PPP2R2A: variants seen among roughly 807,000 people sequenced by gnomAD.
PPP2R2A encodes serine/threonine-protein phosphatase 2A 55 kDa regulatory subunit B alpha isoform.
Under a neutral mutation model 53.2 loss-of-function variants are expected in PPP2R2A, and 9 were observed. The observed-to-expected ratio is 0.17, with a 90% CI of 0.10 to 0.30. PPP2R2A has a LOEUF of 0.30. Ranked by LOEUF, PPP2R2A falls within the 10% of genes least tolerant of loss-of-function variation. PPP2R2A has a pLI of 1.00. For synonymous variants in PPP2R2A, 169 were observed against 174.2 expected (o/e 0.97, Z 0.23); for missense variants, 235 against 534.6 (o/e 0.44, Z 5.53).
At chr8:26,337,647 A>T (rs1490144742) in intron 2 of PPP2R2A, among the ~76,000 whole-genome samples, 1 of 152,176 alleles carries the variant, frequency 6.6e-6, no homozygotes, top group Non-Finnish European at 1.5e-5. Context: ...TTACTTAGGT[A>T]AGCAGTTACT....
At chr8:26,329,812 T>G (rs910631000) in intron 2 of PPP2R2A, among the ~76,000 whole-genome samples, 1 of 152,226 alleles carries the variant, frequency 6.6e-6, no homozygotes, top group East Asian at 1.9e-4. Context: ...AAGGGAATGT[T>G]ATACTTTGAA....
chr8:26,304,188 ACCGGT>A (rs1227729427), intron 2 of PPP2R2A, among the ~76,000 whole-genome samples: 2 of 127,784 alleles, frequency 1.6e-5, no homozygotes, highest in African/African-American at 5.7e-5. Context: ...ATTTTTTCTT[ACCGGT>A]CCTCTTATTA....
rs143219497 is a variant in PPP2R2A, at chr8:26,310,565, T to C, written c.82+16825T>C. Among the ~76,000 whole-genome samples, 323 of 152,178 alleles carry C rather than the reference T, an allele frequency of 2.1e-3. 1 individual carries two copies. The highest frequency in any genetic ancestry group is 7.6e-3 in the African/African-American group (314 of 41,538). ...CATTTAGATTGTTTATAATGTTTGC[T>C]ATTGTAAAGATCATGATGAACATCC... On this transcript the variant is annotated intron_variant, in intron 2 of 9. Transcript: ENST00000380737.
At chr8:26,323,828 A>T (rs929062918) in intron 2 of PPP2R2A, among the ~76,000 whole-genome samples, 4 of 152,162 alleles carry the variant, frequency 2.6e-5, no homozygotes, top group African/African-American at 9.7e-5. Flanking sequence ...TGATCTGCTC[A>T]GTCTTCAGCC....
At chr8:26,314,389 T>G (rs1157717995) in intron 2 of PPP2R2A, among the ~76,000 whole-genome samples, 9 of 152,226 alleles carry the variant, frequency 5.9e-5, no homozygotes, top group Non-Finnish European at 8.8e-5. Context: ...ATCATTATCA[T>G]TGTGATCATC....
intron 9 of PPP2R2A, among the ~76,000 whole-genome samples, chr8:26,369,377 C>T (rs559804947): frequency 2.6e-5 from 4 of 151,486 alleles, no homozygotes; most frequent in Middle Eastern, 6.8e-3. Flanking sequence ...CAGGCACGTG[C>T]CACTACACCC....
At chr8:26,363,284 C>T (rs1805211704) in intron 7 of PPP2R2A, 1 of 156,742 alleles carries the variant, frequency 6.4e-6, no homozygotes, top group African/African-American at 2.4e-5. Flanking sequence ...TGAATATTAA[C>T]TCATGAAAAT....
chr8:26,367,416 TTTATG>T (rs1464929592), intron 9 of PPP2R2A, among the ~76,000 whole-genome samples: 4 of 152,208 alleles, frequency 2.6e-5, no homozygotes, highest in African/African-American at 9.7e-5. Context: ...AATTAGCAGT[TTTATG>T]TTCTATTATC....
At chr8:26,303,528 A>C (rs1801881844) in intron 2 of PPP2R2A, among the ~76,000 whole-genome samples, 1 of 152,218 alleles carries the variant, frequency 6.6e-6, no homozygotes, top group South Asian at 2.1e-4. Flanking sequence ...AACTTTCCCA[A>C]CTTAACTACT....
chr8:26,365,441 T>C (rs1470020694), intron 8 of PPP2R2A: 2 of 152,190 alleles, frequency 1.3e-5, no homozygotes, highest in African/African-American at 4.8e-5. Flanking sequence ...AAATAGACAC[T>C]GAAAATAAGT....
chr8:26,347,077 A>G (rs967394248), intron 3 of PPP2R2A, among the ~76,000 whole-genome samples: 1 of 152,228 alleles, frequency 6.6e-6, no homozygotes, highest in Non-Finnish European at 1.5e-5. Context: ...TCCTGAGAGA[A>G]TAAATTGTAT....
chr8:26,317,530 C>A (rs1347638738), intron 2 of PPP2R2A, among the ~76,000 whole-genome samples: 1 of 152,138 alleles, frequency 6.6e-6, no homozygotes, highest in Non-Finnish European at 1.5e-5. Flanking sequence ...ATAAATTCTG[C>A]AATATGTCAT....
At chr8:26,330,782 A>G (rs1357634047) in intron 2 of PPP2R2A, among the ~76,000 whole-genome samples, 1 of 152,010 alleles carries the variant, frequency 6.6e-6, no homozygotes, top group Non-Finnish European at 1.5e-5. Context: ...ATTCCTGGTA[A>G]TTTCGGATTG....
chr8:26,340,349 T>G (rs536708253), intron 3 of PPP2R2A, among the ~76,000 whole-genome samples: 62 of 152,234 alleles, frequency 4.1e-4, no homozygotes, highest in African/African-American at 1.5e-3. Flanking sequence ...TATTCTTTGC[T>G]GTTTTTCATG....
Position 26,293,687 on chromosome 8 carries a change from T to C in PPP2R2A, c.29T>C (p.Ile10Thr), listed in dbSNP as rs200700909. 7.4e-6 allele frequency: 12 copies of C among 1,613,336 alleles called. No individual in the cohort carries two copies. Among genetic ancestry groups the C allele is most frequent in the African/African-American group, 2.7e-5 (2 of 74,872 alleles). The change falls in exon 2 of 10, where the codon ATT (isoleucine) becomes ACT (threonine). Residue 10 changes from isoleucine (I) to threonine (T), a missense_variant. Coordinates refer to ENST00000380737, the MANE Select transcript of PPP2R2A (RefSeq NM_002717.4). ...CCAGGAGCTGGAGGAGGGAATGATATTCAGTGGTGTTTTTCTCAGGTGAAA... is the reference window on the plus strand; with the variant it reads ...CCAGGAGCTGGAGGAGGGAATGATACTCAGTGGTGTTTTTCTCAGGTGAAA... MAGAGGGNDIQWCFSQVKGA... is the reference protein window; with the variant it reads MAGAGGGNDTQWCFSQVKGA...
At position 26,304,326 on chromosome 8, in the gene PPP2R2A, A is replaced by G. The variant is rs1801919586; in HGVS notation, c.82+10586A>G. ...AAAACTGTCTCTCATGGGTAAAAAC[A>G]TTAGAAGGATATATTGGATTTTGAA... On this transcript the variant is annotated intron_variant, in intron 2 of 9. Coordinates refer to ENST00000380737, the MANE Select transcript of PPP2R2A (RefSeq NM_002717.4). 3.3e-5 allele frequency among the ~76,000 whole-genome samples: 5 copies of G among 151,514 alleles called. No individual in the cohort carries two copies. In the South Asian group the frequency reaches 8.3e-4, roughly 25 times the overall value.
chr8:26,297,602 A>G (rs1480914804), intron 2 of PPP2R2A, among the ~76,000 whole-genome samples: 1 of 152,172 alleles, frequency 6.6e-6, no homozygotes, highest in East Asian at 1.9e-4. Flanking sequence ...CATGGTTTGA[A>G]TCTTGCTCAG....
intron 2 of PPP2R2A, among the ~76,000 whole-genome samples, chr8:26,326,507 G>A (rs1803094228): frequency 6.6e-6 from 1 of 152,140 alleles, no homozygotes; most frequent in Admixed American, 6.5e-5. Flanking sequence ...ACTGTATTGG[G>A]TGTGACTCTA....
rs1053982117 is a variant in PPP2R2A, at chr8:26,291,953, G to A, written c.7+127G>A. ...GCGCCCCTCGGGTTTGAGGGAGTAG[G>A]GTCCAGAGGGGTGGGGTGGGGGCGG... On this transcript the variant is annotated intron_variant, in intron 1 of 9. Coordinates refer to ENST00000380737, the MANE Select transcript of PPP2R2A (RefSeq NM_002717.4). 3.8e-6 allele frequency: 5 copies of A among 1,325,626 alleles called. No individual in the cohort carries two copies. In the African/African-American group the frequency reaches 7.6e-5, roughly 20 times the overall value. 82.1% of individuals were successfully genotyped at this position (1,325,626 alleles called of 1,614,324 possible).
Sources: allele counts gnomAD v4.1 joint callset (sites outside exome capture counted in the v4.1 genomes callset), GRCh38; gene constraint gnomAD v4.1.1; transcripts MANE v1.5; gene names NCBI Gene and HGNC (gene_info 2026-07-23, HGNC 2026-07-21).